Variants in SLC35F4 observed in about 807,000 individuals in gnomAD.
SLC35F4 encodes the protein chromosome 14 open reading frame 36.
Under a neutral mutation model 44.2 loss-of-function variants are expected in SLC35F4, and 24 were observed. That is an observed-to-expected ratio of 0.54 (90% CI 0.39 to 0.76). SLC35F4 has a LOEUF of 0.76. Among genes scored for constraint, SLC35F4 ranks in the 30% least tolerant of loss-of-function variants. The probability of loss-of-function intolerance (pLI) is 0.00; values close to 1 mark genes in which losing one functional copy is unlikely to be tolerated. For synonymous variants in SLC35F4, 238 were observed against 223.6 expected, an observed-to-expected ratio of 1.06 and a Z score of -0.57; for missense variants, 562 against 586.1, an observed-to-expected ratio of 0.96 and a Z score of 0.42.
intron 1 of SLC35F4, among the ~76,000 whole-genome samples, chr14:57,745,101 T>G (rs566554267): frequency 6.6e-6 from 1 of 152,318 alleles, no homozygotes; most frequent in Non-Finnish European, 1.5e-5. Flanking sequence ...ATTAAAGACT[T>G]AAATGTTAGA....
chr14:57,851,040 C>T (rs1226053148), intron 1 of SLC35F4, among the ~76,000 whole-genome samples: 1 of 152,176 alleles, frequency 6.6e-6, no homozygotes, highest in Non-Finnish European at 1.5e-5. Flanking sequence ...ATCTCATATC[C>T]TTGTGAGTCA....
chr14:57,893,884 C>T (rs1318236748), intron 1 of SLC35F4, among the ~76,000 whole-genome samples: 1 of 152,146 alleles, frequency 6.6e-6, no homozygotes, highest in African/African-American at 2.4e-5. Flanking sequence ...ACAATTCAAA[C>T]CCCATCCCAA....
chr14:57,580,528 C>T, intron 4 of SLC35F4: 1 of 394,850 alleles, frequency 2.5e-6, no homozygotes, highest in Non-Finnish European at 4.9e-6. Context: ...ATCTTCAGGG[C>T]TTCCCAGCAA....
At chr14:57,815,103 C>T (rs542309487) in intron 1 of SLC35F4, among the ~76,000 whole-genome samples, 3 of 152,132 alleles carry the variant, frequency 2.0e-5, no homozygotes, top group Non-Finnish European at 2.9e-5. Flanking sequence ...TCAAAAGGCA[C>T]CAAATGGCCA....
At position 57,569,931 on chromosome 14, in the gene SLC35F4, T is replaced by C. The variant is rs753661711; in HGVS notation, c.983A>G (p.His328Arg). ...LGSANFGEAA[H>R]FVSTLGFFNL... is the part of the protein sequence containing the mutation. The stretch of plus-strand genomic sequence containing the variant: ...GAAGAAACCCAAGGTGGAGACAAAG[T>C]GTGCAGCTTCCCCAAAGTTGGCACT... Residue 328 changes from histidine (H) to arginine (R), a missense_variant, in exon 6 of 8, where the codon CAC becomes CGC. His to Arg is a conservative substitution (Grantham distance 29). Transcript: ENST00000556826. 6.2e-7 allele frequency: 1 copy of C among 1,612,234 alleles called. No individual in the cohort carries two copies. Among genetic ancestry groups the C allele is most frequent in the Non-Finnish European group, 8.5e-7 (1 of 1,179,368 alleles).
At chr14:57,608,221 G>A (rs941345011) in intron 1 of SLC35F4, among the ~76,000 whole-genome samples, 8 of 152,080 alleles carry the variant, frequency 5.3e-5, no homozygotes, top group Non-Finnish European at 7.4e-5. Flanking sequence ...CCTCCCCTCC[G>A]TCAAATTCAC....
At chr14:57,653,675 G>A (rs1010258269) in intron 1 of SLC35F4, among the ~76,000 whole-genome samples, 11 of 152,192 alleles carry the variant, frequency 7.2e-5, no homozygotes, top group African/African-American at 2.7e-4. Flanking sequence ...ATGTTGATCT[G>A]AAGTAAGATA....
At chr14:57,921,022 T>C (rs1298077698) in intron 1 of SLC35F4, among the ~76,000 whole-genome samples, 1 of 152,238 alleles carries the variant, frequency 6.6e-6, no homozygotes, top group Non-Finnish European at 1.5e-5. Context: ...GTTAATGTGT[T>C]CTCCTATTAT....
chr14:57,594,467 G>A (rs540790115), intron 1 of SLC35F4, among the ~76,000 whole-genome samples: 6 of 123,104 alleles, frequency 4.9e-5, no homozygotes, highest in African/African-American at 1.8e-4. Flanking sequence ...CAGTCCTAAT[G>A]AGCTTATTCA....
chr14:57,965,476 C>T (rs924132914), intron 1 of SLC35F4, among the ~76,000 whole-genome samples: 3 of 152,182 alleles, frequency 2.0e-5, no homozygotes, highest in African/African-American at 7.2e-5. Context: ...TTCCCCTTTA[C>T]ATGTAAGATC....
intron 4 of SLC35F4, among the ~76,000 whole-genome samples, chr14:57,575,969 G>A (rs896115299): frequency 7.3e-5 from 11 of 151,464 alleles, no homozygotes; most frequent in African/African-American, 2.2e-4. Context: ...GCTTTTGGCC[G>A]TTTTTGTTTT....
At chr14:57,959,884 G>A (rs1262669674) in intron 1 of SLC35F4, among the ~76,000 whole-genome samples, 1 of 152,148 alleles carries the variant, frequency 6.6e-6, no homozygotes, top group African/African-American at 2.4e-5. Context: ...TGAGGCTATG[G>A]ACAATCCTGG....
At position 57,627,125 on chromosome 14, in the gene SLC35F4, G is replaced by C. The variant is rs138292992; in HGVS notation, c.104-33001C>G. 1.4e-3 allele frequency among the ~76,000 whole-genome samples: 220 copies of C among 152,182 alleles called. 1 individual carries two copies. Among genetic ancestry groups the C allele is most frequent in the Middle Eastern group, 6.8e-3 (2 of 294 alleles). On this transcript the variant is annotated intron_variant, in intron 1 of 7. Coordinates refer to ENST00000556826, the MANE Select transcript of SLC35F4 (RefSeq NM_001306087.2). ...TAAAGTTCACATTTTGCATTTAAAT[G>C]GTGTGTTTACTTTTTTAGCCTTGTC... is the stretch of plus-strand genomic sequence containing the variant.
At chr14:57,843,648 C>A (rs982886285) in intron 1 of SLC35F4, among the ~76,000 whole-genome samples, 1 of 152,064 alleles carries the variant, frequency 6.6e-6, no homozygotes, top group East Asian at 1.9e-4. Flanking sequence ...AGACTGGAGA[C>A]GAAGGGTTTT....
intron 1 of SLC35F4, among the ~76,000 whole-genome samples, chr14:57,961,685 G>A (rs911081678): frequency 2.0e-5 from 3 of 152,110 alleles, no homozygotes; most frequent in Admixed American, 2.0e-4. Context: ...TGCTTCTCTT[G>A]CCCATGACTT....
chr14:57,614,892 A>G (rs964259618), intron 1 of SLC35F4, among the ~76,000 whole-genome samples: 2 of 152,204 alleles, frequency 1.3e-5, no homozygotes, highest in African/African-American at 4.8e-5. Context: ...TGACCTTGGG[A>G]TGTCACTTAA....
At chr14:57,956,481 ACTAT>A (rs1890240477) in intron 1 of SLC35F4, among the ~76,000 whole-genome samples, 1 of 152,232 alleles carries the variant, frequency 6.6e-6, no homozygotes, top group Non-Finnish European at 1.5e-5. Flanking sequence ...AGCAAAAGAA[ACTAT>A]CATCAGAGTG....
intron 1 of SLC35F4, among the ~76,000 whole-genome samples, chr14:57,604,506 A>G (rs1238851897): frequency 1.3e-5 from 2 of 152,226 alleles, no homozygotes; most frequent in Admixed American, 6.5e-5. Flanking sequence ...GGAAGAATCA[A>G]TATCATTAAA....
intron 1 of SLC35F4, among the ~76,000 whole-genome samples, chr14:57,714,597 C>T (rs760501169): frequency 5.3e-5 from 8 of 152,088 alleles, no homozygotes; most frequent in South Asian, 4.2e-4. Flanking sequence ...AGAATGCAAA[C>T]GATATTGCCT....
Sources: gnomAD v4.1 joint callset for allele counts (sites outside exome capture counted in the v4.1 genomes callset) on GRCh38, gnomAD v4.1.1 for gene constraint, MANE v1.5 for transcripts, NCBI Gene and HGNC (gene_info 2026-07-23, HGNC 2026-07-21) for gene names.